LRP1B: variants seen among roughly 807,000 people sequenced by gnomAD.
LRP1B encodes the protein low-density lipoprotein receptor-related protein 1B.
Under a neutral mutation model 556.6 loss-of-function variants are expected in LRP1B, and 217 were observed. That is an observed-to-expected ratio of 0.39 (90% CI 0.35 to 0.44). The LOEUF is 0.44. Among genes scored for constraint, LRP1B ranks in the 20% least tolerant of loss-of-function variants. The probability of loss-of-function intolerance (pLI) is 1.00; values close to 1 mark genes in which losing one functional copy is unlikely to be tolerated. For synonymous variants in LRP1B, 2,047 were observed against 1,865.8 expected (o/e 1.10, Z -2.50); for missense variants, 5,053 against 5,620.8 (o/e 0.90, Z 3.23).
In LRP1B at chr2:140,235,486, C is replaced by T. The variant is rs933824547; in HGVS notation, c.13561-602G>A. Among the ~76,000 whole-genome samples the T allele has an allele frequency of 4.0e-5, 6 of 151,134 alleles. No homozygotes were observed. In the Admixed American group the frequency reaches 4.0e-4, roughly 10 times the overall value. On this transcript the variant is annotated intron_variant, in intron 89 of 90. Transcript: ENST00000389484. ...TGCTTCAATATGGCCCTTTGTTTCT[C>T]ACTACTGTCTAAACCTATTAGAACT... is the stretch of plus-strand genomic sequence containing the variant.
chr2:142,038,015 A>T (rs989095058), intron 1 of LRP1B, among the ~76,000 whole-genome samples: 1 of 151,564 alleles, frequency 6.6e-6, no homozygotes, highest in African/African-American at 2.4e-5. Flanking sequence ...TTTAAGGGAT[A>T]TTCATCTTCT....
chr2:141,323,270 CA>C (rs1465671348), intron 3 of LRP1B, among the ~76,000 whole-genome samples: 1 of 151,858 alleles, frequency 6.6e-6, no homozygotes, highest in Non-Finnish European at 1.5e-5. Flanking sequence ...TCTCATTCCT[CA>C]AAACAAAAAT....
chr2:141,382,980 GAT>G (rs1689694127), intron 3 of LRP1B, among the ~76,000 whole-genome samples: 1 of 152,138 alleles, frequency 6.6e-6, no homozygotes, highest in Admixed American at 6.5e-5. Context: ...CCTTGCTTCC[GAT>G]AGAGGATCAA....
Position 141,617,248 on chromosome 2 carries a change from A to G in LRP1B, c.206-136715T>C, listed in dbSNP as rs530563612. Among the ~76,000 whole-genome samples, 47 of 152,312 alleles carry G rather than the reference A, an allele frequency of 3.1e-4. No individual in the cohort carries two copies. The South Asian group carries it at 3.9e-3, about 13-fold the overall frequency. ...AACCTTACACAACTTCAGATCTTCAATAAATATTAAACAAATATACAAACA... is the reference window on the plus strand; with the variant it reads ...AACCTTACACAACTTCAGATCTTCAGTAAATATTAAACAAATATACAAACA... On this transcript the variant is annotated intron_variant, in intron 2 of 90. Transcript: ENST00000389484.
At chr2:140,541,527 C>A (rs563703037) in intron 44 of LRP1B, among the ~76,000 whole-genome samples, 1 of 152,124 alleles carries the variant, frequency 6.6e-6, no homozygotes, top group African/African-American at 2.4e-5. Context: ...AAATGAACTG[C>A]TCCTGTGATG....
At chr2:140,893,231 T>A (rs996943192) in intron 23 of LRP1B, among the ~76,000 whole-genome samples, 7 of 152,200 alleles carry the variant, frequency 4.6e-5, no homozygotes, top group African/African-American at 1.7e-4. Flanking sequence ...GTCCAACTAC[T>A]TAAAACAGAG....
chr2:140,758,380 C>T lies in LRP1B; in HGVS notation c.5758+10833G>A, dbSNP rs1048303542. On this transcript the variant is annotated intron_variant, in intron 35 of 90. Coordinates refer to ENST00000389484, the MANE Select transcript of LRP1B (RefSeq NM_018557.3). ...TTAAATACCAAAATATTAATAGTTG[C>T]TGTCTGTGTTGTTGTAGTATTGGTG... 2.6e-5 allele frequency among the ~76,000 whole-genome samples: 4 copies of T among 151,776 alleles called. No individual in the cohort carries two copies. In the East Asian group the frequency reaches 7.7e-4, roughly 29 times the overall value.
At chr2:140,360,890 C>G (rs557840737) in intron 72 of LRP1B, among the ~76,000 whole-genome samples, 2 of 151,492 alleles carry the variant, frequency 1.3e-5, no homozygotes, top group Non-Finnish European at 3.0e-5. Flanking sequence ...TTTGCTGTTT[C>G]CTATAATTTA....
At chr2:141,560,705 T>C (rs1686115284) in intron 2 of LRP1B, among the ~76,000 whole-genome samples, 1 of 151,736 alleles carries the variant, frequency 6.6e-6, no homozygotes, top group Admixed American at 6.6e-5. Context: ...AGAAATTATA[T>C]GTTCTTTAAA....
intron 2 of LRP1B, among the ~76,000 whole-genome samples, chr2:141,601,627 CTTCCTTCCTTCCTTCCTTTTTTT>C (rs901024672): frequency 6.7e-6 from 1 of 150,086 alleles, no homozygotes; most frequent in South Asian, 2.1e-4. Context: ...TCCTTCCTTC[CTTCCTTCCTTCCTTCCTTTTTTT>C]TTCCTTCCTT....
chr2:140,443,227 AT>A (rs1236445704), intron 65 of LRP1B, among the ~76,000 whole-genome samples: 8 of 151,982 alleles, frequency 5.3e-5, no homozygotes. Flanking sequence ...CGCCCAGCTA[AT>A]TTTTGTATTT....
intron 1 of LRP1B, among the ~76,000 whole-genome samples, chr2:141,974,113 CA>C (rs1206614069): frequency 1.3e-5 from 2 of 151,952 alleles, no homozygotes; most frequent in Non-Finnish European, 2.9e-5. Context: ...AAGAGTCTCT[CA>C]GGAAAAAGCT....
chr2:142,103,710 A>T (rs779726080), intron 1 of LRP1B, among the ~76,000 whole-genome samples: 1 of 151,736 alleles, frequency 6.6e-6, no homozygotes, highest in Non-Finnish European at 1.5e-5. Context: ...AGATGACCCA[A>T]TGATTTTTCA....
At chr2:140,933,689 C>G (rs925199181) in intron 20 of LRP1B, among the ~76,000 whole-genome samples, 4 of 151,948 alleles carry the variant, frequency 2.6e-5, no homozygotes, top group Non-Finnish European at 4.4e-5. Context: ...TAAATTTATC[C>G]AGAAATACAG....
At position 141,680,369 on chromosome 2, in the gene LRP1B, G is replaced by A. The variant is rs191315124; in HGVS notation, c.205+129910C>T. ...GTCTGGATGATAATGAGAATAATTT[G>A]TGCTAACATAGACAAAGAAAGTTGA... On this transcript the variant is annotated intron_variant, in intron 2 of 90. Transcript: ENST00000389484. Among the ~76,000 whole-genome samples the A allele has an allele frequency of 2.6e-5, 4 of 152,188 alleles. No homozygotes were observed. In the East Asian group the frequency reaches 5.8e-4, roughly 22 times the overall value.
intron 2 of LRP1B, among the ~76,000 whole-genome samples, chr2:141,704,424 T>C (rs1249651474): frequency 6.6e-6 from 1 of 151,978 alleles, no homozygotes; most frequent in Admixed American, 6.6e-5. Context: ...ACACTTTTAT[T>C]ATCTAATTCA....
At chr2:140,695,801 T>A (rs554814535) in intron 41 of LRP1B, among the ~76,000 whole-genome samples, 5 of 152,310 alleles carry the variant, frequency 3.3e-5, no homozygotes, top group African/African-American at 1.2e-4. Flanking sequence ...GAAGACATTT[T>A]CATCCTTATT....
At chr2:140,440,007 C>A (rs1205243878) in intron 66 of LRP1B, among the ~76,000 whole-genome samples, 1 of 151,658 alleles carries the variant, frequency 6.6e-6, no homozygotes, top group Non-Finnish European at 1.5e-5. Flanking sequence ...ACATTGTTTT[C>A]TTTACATAAT....
intron 1 of LRP1B, among the ~76,000 whole-genome samples, chr2:141,834,369 C>T (rs1400815064): frequency 6.6e-6 from 1 of 151,696 alleles, no homozygotes; most frequent in Non-Finnish European, 1.5e-5. Context: ...CGAAGAGACC[C>T]TAAACTCAAA....
Sources: allele counts gnomAD v4.1 joint callset (sites outside exome capture counted in the v4.1 genomes callset), GRCh38; gene constraint gnomAD v4.1.1; transcripts MANE v1.5; gene names NCBI Gene and HGNC (gene_info 2026-07-23, HGNC 2026-07-21).